LYVE1: variants seen among roughly 807,000 people sequenced by gnomAD.
LYVE1 encodes the protein lymphatic vessel endothelial hyaluronic acid receptor 1.
Under a neutral mutation model 31.5 loss-of-function variants are expected in LYVE1, and 29 were observed. The ratio of observed to expected loss-of-function variants is 0.92; its 90% CI spans 0.69 to 1.26. LYVE1 has a LOEUF of 1.26. Ranked by LOEUF, LYVE1 falls within the 50% of genes most tolerant of loss-of-function variation. The pLI is 0.00. For synonymous variants in LYVE1, 134 were observed against 139.4 expected, an observed-to-expected ratio of 0.96 and a Z score of 0.27; for missense variants, 376 against 380.2, an observed-to-expected ratio of 0.99 and a Z score of 0.09.
rs1288539828 is a variant in LYVE1, at chr11:10,558,095, T to C, written c.*1016A>G. On this transcript the variant is annotated 3_prime_UTR_variant, in exon 6 of 6. Transcript: ENST00000256178. Reference sequence around the variant, plus strand: ...AGATTAGTCTCAGCAAAAATAAAAATTAGTTTGGAAGTAGATAAGCTAGAA... The same window carrying C: ...AGATTAGTCTCAGCAAAAATAAAAACTAGTTTGGAAGTAGATAAGCTAGAA... 1 of 152,156 alleles carries C rather than the reference T, an allele frequency of 6.6e-6. No homozygotes were observed. The highest frequency in any genetic ancestry group is 1.5e-5 in the Non-Finnish European group (1 of 68,024). The allele number at this position is 152,156 out of a possible 1,614,324, so 9.4% of individuals were successfully genotyped here.
At chr11:10,560,462 T>TAG in intron 4 of LYVE1, 33 bp downstream of exon 4, 1 of 1,541,028 alleles carries the variant, frequency 6.5e-7, no homozygotes, top group Non-Finnish European at 8.8e-7. Flanking sequence ...TGAACATACA[T>TAG]ACACACGTAA....
chr11:10,562,502 T>C (rs201588229), intron 3 of LYVE1, among the ~76,000 whole-genome samples: 1 of 152,198 alleles, frequency 6.6e-6, no homozygotes, highest in African/African-American at 2.4e-5. Flanking sequence ...TATTGGCTGG[T>C]GCACATTTAT....
intron 3 of LYVE1, among the ~76,000 whole-genome samples, 159 bp from the exon 4 acceptor site, chr11:10,560,959 G>A (rs1850413081): frequency 6.6e-6 from 1 of 152,198 alleles, no homozygotes; most frequent in Non-Finnish European, 1.5e-5. Flanking sequence ...GAAGCCTTCA[G>A]TGGCTATCTT....
At position 10,566,924 on chromosome 11, in the gene LYVE1, A is replaced by AGAGGGAGCT. The variant is rs371560281; in HGVS notation, c.85+1515_85+1523dup. On this transcript the variant is annotated intron_variant, in intron 1 of 5. Coordinates refer to ENST00000256178, the MANE Select transcript of LYVE1 (RefSeq NM_006691.4). Reference sequence around the variant, plus strand: ...TTTCCTATTTCATTTAGGGATCAAAAGAGGGAGCTGGAATTTAAGGGAGTA... The same window carrying AGAGGGAGCT: ...TTTCCTATTTCATTTAGGGATCAAAAGAGGGAGCTGAGGGAGCTGGAATTTAAGGGAGTA... 2.2e-4 allele frequency among the ~76,000 whole-genome samples: 34 copies of AGAGGGAGCT among 152,372 alleles called. No individual in the cohort carries two copies. In the East Asian group the frequency reaches 6.5e-3, roughly 29 times the overall value.
rs748679045 is a variant in LYVE1, at chr11:10,565,814, C to CT, written c.86-1441dup. Among the ~76,000 whole-genome samples the CT allele has an allele frequency of 6.8e-3, 978 of 143,274 alleles. 2 individuals carry two copies. Among genetic ancestry groups the CT allele is most frequent in the East Asian group, 0.026 (130 of 4,960 alleles). The allele number at this position is 143,274 out of a possible 152,430, so 94.0% of individuals were successfully genotyped here. ...GTATGGCCAAGCAAGAACCCCAGTT[C>CT]TTTTTTTTTTTTTGAGACGGAGTTT... On this transcript the variant is annotated intron_variant, in intron 1 of 5. Coordinates refer to ENST00000256178, the MANE Select transcript of LYVE1 (RefSeq NM_006691.4).
chr11:10,559,187 T>A lies in LYVE1; in HGVS notation c.893A>T (p.Lys298Met). 2 of 1,614,162 alleles carry A rather than the reference T, an allele frequency of 1.2e-6. No individual in the cohort carries two copies. The highest frequency in any genetic ancestry group is 1.7e-5 in the Admixed American group (1 of 60,026). Residue 298 changes from lysine (K) to methionine (M), a missense_variant, in exon 6 of 6, where the codon AAG (lysine) becomes ATG (methionine). By Grantham distance (95) the Lys-to-Met change is moderately conservative. Coordinates refer to ENST00000256178, the MANE Select transcript of LYVE1 (RefSeq NM_006691.4). The part of the protein sequence containing the change: ...ANDSNPNEES[K>M]KTDKNPEESK... Reference sequence around the variant, plus strand: ...CTCTTCTGGGTTTTTATCAGTTTTCTTTGATTCCTCATTAGGGTTGCTATC... The same window carrying A: ...CTCTTCTGGGTTTTTATCAGTTTTCATTGATTCCTCATTAGGGTTGCTATC...
intron 1 of LYVE1, among the ~76,000 whole-genome samples, chr11:10,566,302 G>T (rs1465485396): frequency 6.6e-6 from 1 of 151,536 alleles, no homozygotes; most frequent in Non-Finnish European, 1.5e-5. Context: ...TAGAGATGGG[G>T]TTTCACCATG....
At chr11:10,559,968 G>A in intron 4 of LYVE1, 74 bp from the exon 5 acceptor site, 1 of 1,102,894 alleles carries the variant, frequency 9.1e-7, no homozygotes, top group Non-Finnish European at 1.4e-6. Flanking sequence ...CATGATCCAG[G>A]TGATTGAGAC....
chr11:10,559,095 C>T lies in LYVE1; in HGVS notation c.*16G>A. ...AAGAAACCAGCCTCAGGTGTGTCTC[C>T]TCATTTCTGTCTCATCTAAACTTCA... On this transcript the variant is annotated 3_prime_UTR_variant, in exon 6 of 6. Transcript: ENST00000256178. 1 of 1,611,692 alleles carries T rather than the reference C, an allele frequency of 6.2e-7. No individual in the cohort carries two copies. The highest frequency in any genetic ancestry group is 1.1e-5 in the South Asian group (1 of 90,556).
At chr11:10,563,095 A>G (rs1413962218) in intron 3 of LYVE1, among the ~76,000 whole-genome samples, 1 of 151,900 alleles carries the variant, frequency 6.6e-6, no homozygotes, top group Non-Finnish European at 1.5e-5. Flanking sequence ...CTGGGACTAC[A>G]GGTGCCTGCC....
Position 10,563,983 on chromosome 11 carries a change from A to C in LYVE1, c.354T>G (p.Val118=). 1 of 1,614,194 alleles carries C rather than the reference A, an allele frequency of 6.2e-7. No homozygotes were observed. Residue 118 remains valine, a synonymous_variant, in exon 3 of 6, where the codon GTT becomes GTG. Coordinates refer to ENST00000256178, the MANE Select transcript of LYVE1 (RefSeq NM_006691.4). The part of the protein sequence containing the change: ...KNGVGVLIWK[V]PVSRQFAAYC... ...AGGCTGCAAACTGTCGGCTCACTGG[A>C]ACCTTCCAAATCAGGACACCCACCC... is the stretch of plus-strand genomic sequence containing the variant.
chr11:10,563,505 A>G (rs141246194), intron 3 of LYVE1, among the ~76,000 whole-genome samples: 5 of 152,280 alleles, frequency 3.3e-5, no homozygotes, highest in African/African-American at 1.2e-4. Flanking sequence ...TTATATGCAA[A>G]TATGACCCCA....
At chr11:10,563,874 C>T in intron 3 of LYVE1, 66 bp downstream of exon 3, 25 of 1,593,090 alleles carry the variant, frequency 1.6e-5, no homozygotes, top group Non-Finnish European at 2.2e-5. Context: ...TTACTCTTCC[C>T]AGACAGGTCT....
At chr11:10,566,434 A>C (rs922766916) in intron 1 of LYVE1, among the ~76,000 whole-genome samples, 6 of 152,100 alleles carry the variant, frequency 3.9e-5, no homozygotes, top group African/African-American at 1.4e-4. Context: ...TAACAATGAC[A>C]CTGTTTTACC....
intron 4 of LYVE1, 34 bp downstream of exon 4, chr11:10,560,461 A>C (rs1850398432): frequency 6.5e-7 from 1 of 1,537,880 alleles, no homozygotes; most frequent in Admixed American, 1.9e-5. Context: ...ATGAACATAC[A>C]TACACACGTA....
At chr11:10,567,941 C>T (rs1850575082) in intron 1 of LYVE1, among the ~76,000 whole-genome samples, 3 of 152,210 alleles carry the variant, frequency 2.0e-5, no homozygotes, top group Admixed American at 2.0e-4. Context: ...CCATTATTCC[C>T]AAGCTTAGTG....
Position 10,560,543 on chromosome 11 carries a change from A to G in LYVE1, c.655T>C (p.Phe219Leu), listed in dbSNP as rs1435590738. Residue 219 changes from phenylalanine to leucine, a missense_variant, in exon 4 of 6, where the codon TTT (phenylalanine) becomes CTT (leucine). Transcript: ENST00000256178. ...TSTMSTETEP[F>L]VENKAAFKNE... ...TTGAATGCTGCTTTATTTTCAACAA[A>G]TGGTTCAGTTTCTGTAGACATGGTG... The G allele has an allele frequency of 3.1e-6, 5 of 1,613,488 alleles. No individual in the cohort carries two copies. Among genetic ancestry groups the G allele is most frequent in the South Asian group, 1.1e-5 (1 of 90,998 alleles).
In LYVE1 at chr11:10,563,933, G is replaced by C; in HGVS notation, c.397+7C>G. 1 of 1,614,118 alleles carries C rather than the reference G, an allele frequency of 6.2e-7. No homozygotes were observed. Among genetic ancestry groups the C allele is most frequent in the Non-Finnish European group, 8.5e-7 (1 of 1,180,014 alleles). Reference sequence around the variant, plus strand: ...TGCCACGTGGAAAGGTTGCAGATCAGACTCACCAGATGAGTTGTAACAATA... The same window carrying C: ...TGCCACGTGGAAAGGTTGCAGATCACACTCACCAGATGAGTTGTAACAATA... On this transcript the variant is annotated splice_region_variant and intron_variant, in intron 3 of 5. Coordinates refer to ENST00000256178, the MANE Select transcript of LYVE1 (RefSeq NM_006691.4).
chr11:10,558,811 C>T lies in LYVE1; in HGVS notation c.*300G>A. 3.2e-6 allele frequency: 1 copy of T among 315,918 alleles called. No individual in the cohort carries two copies. The highest frequency in any genetic ancestry group is 5.8e-6 in the Non-Finnish European group (1 of 173,532). 19.6% of individuals were successfully genotyped at this position (315,918 alleles called of 1,614,324 possible). ...TGGATACTGATGAGATGTTTTAGGT[C>T]CTTGCACTTTGCAAAACTCCTTTCT... On this transcript the variant is annotated 3_prime_UTR_variant, in exon 6 of 6. Transcript: ENST00000256178.
Sources: gnomAD v4.1 joint callset for allele counts (sites outside exome capture counted in the v4.1 genomes callset) on GRCh38, gnomAD v4.1.1 for gene constraint, MANE v1.5 for transcripts, NCBI Gene and HGNC (gene_info 2026-07-23, HGNC 2026-07-21) for gene names.